The following DPY19L1 variants were observed in gnomAD, a reference collection of about 807,000 sequenced individuals.
The protein encoded by DPY19L1 is protein C-mannosyl-transferase DPY19L1.
A neutral mutation model predicts 96.9 loss-of-function variants in DPY19L1; 35 were observed. The observed-to-expected ratio is 0.36, with a 90% CI of 0.28 to 0.48. DPY19L1 has a LOEUF of 0.48. Among genes scored for constraint, DPY19L1 ranks in the 20% least tolerant of loss-of-function variants. The probability of loss-of-function intolerance (pLI) is 0.99; values close to 1 mark genes in which losing one functional copy is unlikely to be tolerated. For missense variants in DPY19L1, 521 were observed against 777.9 expected (o/e 0.67, Z 3.93); for synonymous variants, 205 against 252.6 (o/e 0.81, Z 1.79).
intron 3 of DPY19L1, 152 bp from the exon 4 acceptor site, chr7:35,013,857 A>C: frequency 1.9e-6 from 1 of 520,658 alleles, no homozygotes. Context: ...GATAAATCCT[A>C]AAGTTGTGAA....
chr7:34,951,762 A>C (rs181770605), intron 13 of DPY19L1, among the ~76,000 whole-genome samples: 2 of 152,098 alleles, frequency 1.3e-5, no homozygotes, highest in Non-Finnish European at 2.9e-5. Flanking sequence ...TATTAAAACA[A>C]TAGACCTCTA....
chr7:35,006,533 C>T (rs914481459), intron 6 of DPY19L1, among the ~76,000 whole-genome samples: 3 of 152,096 alleles, frequency 2.0e-5, no homozygotes, highest in Non-Finnish European at 4.4e-5. Flanking sequence ...AAGAAACTGG[C>T]CTTCAGAAAC....
At chr7:35,037,022 G>A (rs1310930758) in intron 1 of DPY19L1, 75 bp downstream of exon 1, 4 of 51,742 alleles carry the variant, frequency 7.7e-5, no homozygotes, top group African/African-American at 2.6e-4. Flanking sequence ...GGAAGGAAGG[G>A]GAGGGGAGGG....
chr7:34,973,555 T>C lies in DPY19L1; in HGVS notation c.873A>G (p.Pro291=). Reference sequence around the variant, plus strand: ...CTAGCAACATCTGAAGAACAAGAAATGGATATGAGAAGCTTTCACGGAGAG... The same window carrying C: ...CTAGCAACATCTGAAGAACAAGAAACGGATATGAGAAGCTTTCACGGAGAG... ...TPPLRESFSY[P]FLVLQMLLVT... The change falls in exon 8 of 22, where the codon CCA becomes CCG. Residue 291 remains proline (P), a synonymous_variant. Coordinates refer to ENST00000638088, the MANE Select transcript of DPY19L1 (RefSeq NM_001366673.1). 1.9e-6 allele frequency: 3 copies of C among 1,540,684 alleles called. No individual in the cohort carries two copies. The highest frequency in any genetic ancestry group is 1.3e-5 in the South Asian group (1 of 75,364).
At chr7:35,029,740 C>G (rs1786216281) in intron 1 of DPY19L1, among the ~76,000 whole-genome samples, 1 of 152,130 alleles carries the variant, frequency 6.6e-6, no homozygotes, top group East Asian at 1.9e-4. Flanking sequence ...AAGAGTGATT[C>G]CCCCAAATGA....
In DPY19L1 at chr7:34,947,774, T is replaced by C. The variant is rs781197924; in HGVS notation, c.1423-73A>G. ...CAAAATTTCATTTCAAATAATGAAA[T>C]AGGTAAATTTCTGAAAGTAGAGAAA... On this transcript the variant is annotated intron_variant, in intron 14 of 21. Coordinates refer to ENST00000638088, the MANE Select transcript of DPY19L1 (RefSeq NM_001366673.1). The C allele has an allele frequency of 3.6e-4, 444 of 1,237,574 alleles. 1 individual carries two copies. Among genetic ancestry groups the C allele is most frequent in the Non-Finnish European group, 4.7e-4 (406 of 862,418 alleles). 76.7% of individuals were successfully genotyped at this position (1,237,574 alleles called of 1,614,324 possible).
At chr7:35,022,758 A>G (rs1343370936) in intron 1 of DPY19L1, among the ~76,000 whole-genome samples, 1 of 151,528 alleles carries the variant, frequency 6.6e-6, no homozygotes, top group Non-Finnish European at 1.5e-5. Flanking sequence ...TCAATTGAAT[A>G]TATTTTGATA....
intron 8 of DPY19L1, among the ~76,000 whole-genome samples, chr7:34,970,875 A>T (rs2128668078): frequency 6.6e-6 from 1 of 152,202 alleles, no homozygotes; most frequent in South Asian, 2.1e-4. Context: ...AGAACAACCA[A>T]GAAAAAGCTA....
intron 1 of DPY19L1, among the ~76,000 whole-genome samples, chr7:35,019,352 C>T (rs2128680425): frequency 6.6e-6 from 1 of 152,318 alleles, no homozygotes; most frequent in East Asian, 1.9e-4. Flanking sequence ...GAGGCAGCAT[C>T]ATCTCGAGCC....
intron 1 of DPY19L1, among the ~76,000 whole-genome samples, chr7:35,034,688 A>ACTCTTGAAAATGTGTGTTTCTAT (rs1786343581): frequency 6.6e-6 from 1 of 152,150 alleles, no homozygotes; most frequent in South Asian, 2.1e-4. Context: ...ACAGTTTCTA[A>ACTCTTGAAAATGTGTGTTTCTAT]CTCTTGAAAA....
chr7:34,989,769 A>T (rs1785128027), intron 7 of DPY19L1, 115 bp downstream of exon 7: 3 of 900,708 alleles, frequency 3.3e-6, no homozygotes, highest in Non-Finnish European at 4.9e-6. Flanking sequence ...CTAGTGTTTA[A>T]ATTTTGAATC....
In DPY19L1 at chr7:35,004,441, T is replaced by C. The variant is rs186544314; in HGVS notation, c.764+6027A>G. On this transcript the variant is annotated intron_variant, in intron 6 of 21. Coordinates refer to ENST00000638088, the MANE Select transcript of DPY19L1 (RefSeq NM_001366673.1). ...ATCATAAAGAAAAACAAGGAAAACA[T>C]TGGTCCAAAAGTTAGGATGTCATTT... 2.0e-4 allele frequency among the ~76,000 whole-genome samples: 31 copies of C among 152,210 alleles called. No homozygotes were observed. In the East Asian group the frequency reaches 3.7e-3, roughly 18 times the overall value.
chr7:35,018,759 GCTCAT>G (rs1785920837), intron 1 of DPY19L1, among the ~76,000 whole-genome samples, 163 bp from the exon 2 acceptor site: 1 of 152,124 alleles, frequency 6.6e-6, no homozygotes, highest in Non-Finnish European at 1.5e-5. Context: ...TGATTGACTA[GCTCAT>G]AAGGGAATTA....
chr7:34,932,776 C>T (rs1164538908), intron 21 of DPY19L1, among the ~76,000 whole-genome samples: 2 of 152,070 alleles, frequency 1.3e-5, no homozygotes, highest in Admixed American at 1.3e-4. Flanking sequence ...CTGCTATCTA[C>T]CTTTTGAGGA....
rs1287668218 is a variant in DPY19L1 at position 34,971,060 on chromosome 7, T to C, written c.915-1528A>G. 4.6e-5 allele frequency among the ~76,000 whole-genome samples: 7 copies of C among 152,192 alleles called. 1 individual carries two copies. In the East Asian group the frequency reaches 1.3e-3, roughly 29 times the overall value. The stretch of plus-strand genomic sequence containing the variant: ...TAACAGTATCCTCAGCACTGCAGCC[T>C]GCATCAACACTGCTCAGCTTCTTCT... On this transcript the variant is annotated intron_variant, in intron 8 of 21. Transcript: ENST00000638088.
intron 11 of DPY19L1, among the ~76,000 whole-genome samples, chr7:34,955,878 A>G (rs1347737977): frequency 6.6e-6 from 1 of 152,234 alleles, no homozygotes; most frequent in Non-Finnish European, 1.5e-5. Context: ...AGAGATCAAA[A>G]CATAAATACT....
chr7:34,969,147 T>G (rs10951431), intron 9 of DPY19L1, among the ~76,000 whole-genome samples: 29,804 of 151,956 alleles, frequency 0.2, 3,268 homozygotes, highest in Admixed American at 0.36. Context: ...TTAACGATAC[T>G]GAATAACAAA....
rs987249232 is a variant in DPY19L1 at position 34,949,669 on chromosome 7, C to T, written c.1422+128G>A. 30 of 612,312 alleles carry T rather than the reference C, an allele frequency of 4.9e-5. No homozygotes were observed. In the African/African-American group the frequency reaches 5.2e-4, roughly 11 times the overall value. The allele number at this position is 612,312 out of a possible 1,614,324, so 37.9% of individuals were successfully genotyped here. On this transcript the variant is annotated intron_variant, in intron 14 of 21. Coordinates refer to ENST00000638088, the MANE Select transcript of DPY19L1 (RefSeq NM_001366673.1). ...GTAAACAGAAAAATCTTCCTCTAAG[C>T]TGCCAGATTTTCCTTTTCCTTCAAA...
intron 21 of DPY19L1, among the ~76,000 whole-genome samples, chr7:34,933,023 G>A (rs1783788679): frequency 6.6e-6 from 1 of 151,870 alleles, no homozygotes; most frequent in Non-Finnish European, 1.5e-5. Context: ...CATTATAAAA[G>A]TATCAAAATA....
Sources: gnomAD v4.1 joint callset for allele counts (sites outside exome capture counted in the v4.1 genomes callset) on GRCh38, gnomAD v4.1.1 for gene constraint, MANE v1.5 for transcripts, NCBI Gene and HGNC (gene_info 2026-07-23, HGNC 2026-07-21) for gene names.